The following ZBTB2 variants were observed in gnomAD, a reference collection of about 807,000 sequenced individuals.
The protein encoded by ZBTB2 is zinc finger and BTB domain containing 2, also known as zinc finger and BTB domain-containing protein 2.
A neutral mutation model predicts 39.5 loss-of-function variants in ZBTB2; 2 were observed. That is an observed-to-expected ratio of 0.05 (90% CI 0.02 to 0.16). The LOEUF is 0.16. ZBTB2 is among the 10% of genes least tolerant of loss of function. The pLI, the probability that ZBTB2 is intolerant of heterozygous loss-of-function variation, is 1.00. For missense variants in ZBTB2, 391 were observed against 653.0 expected (o/e 0.60, Z 4.37); for synonymous variants, 251 against 256.6 (o/e 0.98, Z 0.21).
chr6:151,365,228 C>A lies in ZBTB2; in HGVS notation c.*293G>T. 3.5e-6 allele frequency: 1 copy of A among 284,508 alleles called. No homozygotes were observed. Among genetic ancestry groups the A allele is most frequent in the Non-Finnish European group, 6.6e-6 (1 of 150,678 alleles). 17.6% of individuals were successfully genotyped at this position (284,508 alleles called of 1,614,324 possible). On this transcript the variant is annotated 3_prime_UTR_variant, in exon 3 of 3. Coordinates refer to ENST00000325144, the MANE Select transcript of ZBTB2 (RefSeq NM_020861.3). The surrounding 1 kb of genome is among the most constrained non-coding windows in gnomAD (Gnocchi z 5.6). ...GGATTCCAGTTGTTTTATTATATAC[C>A]CTTCATTAGTTCCAAGTATGCTTCT... is the stretch of plus-strand genomic sequence containing the variant.
chr6:151,364,728 AT>A lies in ZBTB2; in HGVS notation c.*792del, dbSNP rs1279176334. On this transcript the variant is annotated 3_prime_UTR_variant, in exon 3 of 3. Coordinates refer to ENST00000325144, the MANE Select transcript of ZBTB2 (RefSeq NM_020861.3). ...GCAATTTATAGAATAGTACATTCAAATTTGATTTTTAAAACAAATTTGTCAG... is the reference window on the plus strand; with the variant it reads ...GCAATTTATAGAATAGTACATTCAAATTGATTTTTAAAACAAATTTGTCAG... The A allele has an allele frequency of 2.6e-5, 4 of 152,456 alleles. No homozygotes were observed. The East Asian group carries it at 7.7e-4, about 29-fold the overall frequency. 9.4% of individuals were successfully genotyped at this position (152,456 alleles called of 1,614,324 possible).
chr6:151,377,936 T>C (rs1778953547), intron 1 of ZBTB2: 1 of 152,192 alleles, frequency 6.6e-6, no homozygotes, highest in Non-Finnish European at 1.5e-5. Flanking sequence ...TAATGCACTA[T>C]CAATAAGCTT....
chr6:151,364,971 C>T lies in ZBTB2; in HGVS notation c.*550G>A, dbSNP rs1026655037. 1 of 152,738 alleles carries T rather than the reference C, an allele frequency of 6.5e-6. No individual in the cohort carries two copies. Among genetic ancestry groups the T allele is most frequent in the African/African-American group, 2.4e-5 (1 of 41,440 alleles). 9.5% of individuals were successfully genotyped at this position (152,738 alleles called of 1,614,324 possible). ...TGTTTTGTTAAAGTAGATTTCTTAA[C>T]TGATGATTTCTCTTAAGTGGACATA... On this transcript the variant is annotated 3_prime_UTR_variant, in exon 3 of 3. Coordinates refer to ENST00000325144, the MANE Select transcript of ZBTB2 (RefSeq NM_020861.3).
chr6:151,384,982 AG>A (rs1779122386), intron 1 of ZBTB2, among the ~76,000 whole-genome samples: 1 of 152,212 alleles, frequency 6.6e-6, no homozygotes, highest in Admixed American at 6.5e-5. Flanking sequence ...CCGACAATCA[AG>A]ACATGAAACT....
chr6:151,370,139 T>C, intron 2 of ZBTB2: 2 of 900,536 alleles, frequency 2.2e-6, no homozygotes, highest in Non-Finnish European at 2.7e-6. Flanking sequence ...TGACATAACA[T>C]TTTTTTTTGT....
chr6:151,367,336 G>C (rs935605634), intron 2 of ZBTB2, among the ~76,000 whole-genome samples: 9 of 152,142 alleles, frequency 5.9e-5, no homozygotes, highest in Admixed American at 3.3e-4. Context: ...GGCCAGGGTG[G>C]TCTCCAATTC....
chr6:151,367,994 C>T (rs1160423650), intron 2 of ZBTB2, among the ~76,000 whole-genome samples: 1 of 152,216 alleles, frequency 6.6e-6, no homozygotes, highest in Non-Finnish European at 1.5e-5. Flanking sequence ...TTATATTCCA[C>T]TGAGTGGATA....
chr6:151,374,516 G>T (rs1778858446), intron 1 of ZBTB2, among the ~76,000 whole-genome samples: 1 of 152,090 alleles, frequency 6.6e-6, no homozygotes, highest in South Asian at 2.1e-4. Context: ...CAAATCACTA[G>T]TCTGCTCCTT....
In ZBTB2 at chr6:151,364,602, A is replaced by C. The variant is rs1778604196; in HGVS notation, c.*919T>G. On this transcript the variant is annotated 3_prime_UTR_variant, in exon 3 of 3. Transcript: ENST00000325144. ...TCCCCTGTAAGATGAGTATTCCTAT[A>C]TCCTTTTCCCTGCAGTACACACACT... The C allele has an allele frequency of 6.6e-6, 1 of 152,250 alleles. No homozygotes were observed. Among genetic ancestry groups the C allele is most frequent in the South Asian group, 2.1e-4 (1 of 4,832 alleles). The allele number at this position is 152,250 out of a possible 1,614,324, so 9.4% of individuals were successfully genotyped here.
intron 2 of ZBTB2, among the ~76,000 whole-genome samples, chr6:151,373,050 G>T (rs1185211316): frequency 6.6e-6 from 1 of 151,042 alleles, no homozygotes; most frequent in Non-Finnish European, 1.5e-5. Flanking sequence ...AGCTACTCGG[G>T]AGGCTGAAGC....
At chr6:151,390,224 G>C (rs1183945674) in intron 1 of ZBTB2, among the ~76,000 whole-genome samples, 2 of 151,538 alleles carry the variant, frequency 1.3e-5, no homozygotes, top group Non-Finnish European at 1.5e-5. Context: ...GCGCCACAGA[G>C]GCCGACGCGT....
intron 1 of ZBTB2, among the ~76,000 whole-genome samples, chr6:151,388,989 G>A (rs574454333): frequency 3.3e-5 from 5 of 152,208 alleles, no homozygotes; most frequent in African/African-American, 4.8e-5. Flanking sequence ...CAGTGGCACC[G>A]GCGTATCACT....
At chr6:151,380,904 C>T (rs1446621864) in intron 1 of ZBTB2, among the ~76,000 whole-genome samples, 2 of 152,170 alleles carry the variant, frequency 1.3e-5, no homozygotes, top group Non-Finnish European at 2.9e-5. Context: ...CAATACCTCC[C>T]TGTCCTCTCA....
chr6:151,373,843 TAAAAAAAAAAAAAA>T (rs200070063), intron 1 of ZBTB2, among the ~76,000 whole-genome samples, 194 bp from the exon 2 acceptor site: 4 of 45,998 alleles, frequency 8.7e-5, no homozygotes, highest in East Asian at 5.4e-4. Flanking sequence ...ATTATGCCTT[TAAAAAAAAAAAAAA>T]AAAAAAAAAA....
At chr6:151,373,683 G>A (rs762765511) in intron 1 of ZBTB2, 34 bp from the exon 2 acceptor site, 1 of 1,586,766 alleles carries the variant, frequency 6.3e-7, no homozygotes, top group East Asian at 2.2e-5. Context: ...TTAAGAAGGT[G>A]ATTCACAAAT....
rs1482059099 is a variant in ZBTB2 at position 151,374,566 on chromosome 6, C to A, written c.-12-917G>T. Among the ~76,000 whole-genome samples, 4 of 152,072 alleles carry A rather than the reference C, an allele frequency of 2.6e-5. No homozygotes were observed. In the East Asian group the frequency reaches 7.7e-4, roughly 29 times the overall value. On this transcript the variant is annotated intron_variant, in intron 1 of 2. Transcript: ENST00000325144. ...TTTATAAAAGCCCATTACACACAGA[C>A]CAACATTATATTTAACATTATACTT...
At chr6:151,382,071 C>T (rs1022585761) in intron 1 of ZBTB2, among the ~76,000 whole-genome samples, 1 of 152,150 alleles carries the variant, frequency 6.6e-6, no homozygotes, top group Non-Finnish European at 1.5e-5. Flanking sequence ...CAAACCTGGA[C>T]AGCATGTTAC....
chr6:151,384,519 CA>C (rs1281647430), intron 1 of ZBTB2, among the ~76,000 whole-genome samples: 1 of 152,162 alleles, frequency 6.6e-6, no homozygotes, highest in African/African-American at 2.4e-5. Context: ...GGTAAAAAAT[CA>C]ACAGACCTGG....
intron 2 of ZBTB2, among the ~76,000 whole-genome samples, chr6:151,372,474 G>A (rs1277899040): frequency 6.6e-6 from 1 of 152,032 alleles, no homozygotes; most frequent in Non-Finnish European, 1.5e-5. Context: ...AGGATGTGCT[G>A]ATCCCACATG....
Sources: allele counts gnomAD v4.1 joint callset (sites outside exome capture counted in the v4.1 genomes callset), GRCh38; gene constraint gnomAD v4.1.1; non-coding constraint Gnocchi (gnomAD v3.1); transcripts MANE v1.5; gene names NCBI Gene and HGNC (gene_info 2026-07-23, HGNC 2026-07-21).